KIRREL1: variants seen among roughly 807,000 people sequenced by gnomAD.
KIRREL1 encodes the protein kin of IRRE-like protein 1.
KIRREL1 carries 25 observed loss-of-function variants against 83.3 expected under a neutral mutation model. The ratio of observed to expected loss-of-function variants is 0.30; its 90% CI spans 0.22 to 0.42. KIRREL1 has a LOEUF of 0.42. Among genes scored for constraint, KIRREL1 ranks in the 10% least tolerant of loss-of-function variants. KIRREL1 has a pLI of 1.00. For synonymous variants in KIRREL1, 388 were observed against 410.4 expected (o/e 0.95, Z 0.66); for missense variants, 812 against 1,032.3 (o/e 0.79, Z 2.92).
chr1:158,017,100 A>G (rs1571539058), intron 1 of KIRREL1, among the ~76,000 whole-genome samples: 2 of 152,228 alleles, frequency 1.3e-5, no homozygotes, highest in Non-Finnish European at 2.9e-5. Flanking sequence ...GGATGTGTCA[A>G]GTCCCTGCGA....
intron 1 of KIRREL1, among the ~76,000 whole-genome samples, chr1:158,000,514 A>T (rs1401740423): frequency 6.6e-6 from 1 of 152,220 alleles, no homozygotes; most frequent in Non-Finnish European, 1.5e-5. Context: ...TCCAGCTCTT[A>T]TACCTTCCTA....
chr1:158,037,489 C>CAA (rs759200504), intron 1 of KIRREL1, among the ~76,000 whole-genome samples: 77 of 43,744 alleles, frequency 1.8e-3, no homozygotes, highest in African/African-American at 3.7e-3. Context: ...AAGACTCTGG[C>CAA]AAAAAAAAAA....
chr1:158,092,386 CGCCCA>C, intron 11 of KIRREL1, among the ~76,000 whole-genome samples: 1 of 118,916 alleles, frequency 8.4e-6, no homozygotes, highest in Non-Finnish European at 1.6e-5. Flanking sequence ...CTTGCTCTGT[CGCCCA>C]GGCTGGAGTG....
At chr1:158,085,717 G>T (rs954759882) in intron 4 of KIRREL1, among the ~76,000 whole-genome samples, 1 of 152,142 alleles carries the variant, frequency 6.6e-6, no homozygotes, top group African/African-American at 2.4e-5. Context: ...GTCTTACTTT[G>T]ATTAATAATA....
chr1:158,014,964 T>C (rs966472645), intron 1 of KIRREL1, among the ~76,000 whole-genome samples: 2 of 152,156 alleles, frequency 1.3e-5, no homozygotes, highest in African/African-American at 2.4e-5. Flanking sequence ...GAATGCTTCT[T>C]AGGATTTTTC....
Position 158,018,216 on chromosome 1 carries a change from G to A in KIRREL1, c.52+24488G>A, listed in dbSNP as rs142278719. 7.6e-4 allele frequency among the ~76,000 whole-genome samples: 116 copies of A among 152,306 alleles called. No individual in the cohort carries two copies. The Middle Eastern group carries it at 0.014, about 18-fold the overall frequency. The stretch of plus-strand genomic sequence containing the variant: ...TTTAATTTCACCCTGGGTCAGAATT[G>A]TCAGGAGTTAGGGTGACTGCAAAGA... On this transcript the variant is annotated intron_variant, in intron 1 of 14. Transcript: ENST00000359209.
rs930827756 is a variant in KIRREL1, at chr1:158,084,510, T to C, written c.441T>C (p.Asn147=). Residue 147 remains asparagine (N), a synonymous_variant, in exon 4 of 15, where the codon AAT becomes AAC. Coordinates refer to ENST00000359209, the MANE Select transcript of KIRREL1 (RefSeq NM_018240.7). ...TPHNLTCRAF[N]AKPAATIIWF... ...ACAACCTCACATGCCGGGCCTTCAA[T>C]GCGAAGCCTGCTGCCACCATCATCT... 6 of 1,551,652 alleles carry C rather than the reference T, an allele frequency of 3.9e-6. No individual in the cohort carries two copies. In the African/African-American group the frequency reaches 8.2e-5, roughly 21 times the overall value.
Position 158,094,899 on chromosome 1 carries a change from G to A in KIRREL1, c.2053G>A (p.Glu685Lys), listed in dbSNP as rs140491529. The A allele has an allele frequency of 1.4e-5, 23 of 1,614,018 alleles. No individual in the cohort carries two copies. The highest frequency in any genetic ancestry group is 6.7e-5 in the Admixed American group (4 of 60,006). The change falls in exon 15 of 15, where the codon GAG becomes AAG. Residue 685 changes from glutamate to lysine, a missense_variant. Transcript: ENST00000359209. The surrounding 1 kb of genome is among the most constrained non-coding windows in gnomAD (Gnocchi z 4.6). ...TGACACAACCAGCCAGCTGTCCTAC[G>A]AGAACTATGAGAAGTTCAACTCCCA... The part of the protein sequence containing the change: ...GTDTTSQLSY[E>K]NYEKFNSHPF...
In KIRREL1 at chr1:158,025,766, A is replaced by T. The variant is rs1341848491; in HGVS notation, c.52+32038A>T. 2.0e-5 allele frequency: 3 copies of T among 151,328 alleles called. No homozygotes were observed. The East Asian group carries it at 5.9e-4, about 30-fold the overall frequency. 9.4% of individuals were successfully genotyped at this position (151,328 alleles called of 1,614,324 possible). A position where few individuals can be genotyped will look rare whatever the true frequency, so the allele number is the denominator to read the frequency against. On this transcript the variant is annotated intron_variant, in intron 1 of 14. Coordinates refer to ENST00000359209, the MANE Select transcript of KIRREL1 (RefSeq NM_018240.7). ...CAGAAGAGGCAGAACCCGGGGAGGG[A>T]GCCACAGAAGAGGCACGCATGGCTG...
intron 11 of KIRREL1, among the ~76,000 whole-genome samples, chr1:158,092,345 C>CTTTTT (rs11430850): frequency 2.0e-4 from 22 of 110,922 alleles, no homozygotes; most frequent in Admixed American, 3.2e-4. Flanking sequence ...TCACTTCAGT[C>CTTTTT]TTTTTTTTTT....
At chr1:158,018,781 G>T (rs1178349495) in intron 1 of KIRREL1, among the ~76,000 whole-genome samples, 2 of 152,176 alleles carry the variant, frequency 1.3e-5, no homozygotes, top group Non-Finnish European at 2.9e-5. Flanking sequence ...GCCAGTTTGA[G>T]AACCATTTGT....
At chr1:158,058,677 C>T (rs1391620614) in intron 1 of KIRREL1, among the ~76,000 whole-genome samples, 1 of 152,150 alleles carries the variant, frequency 6.6e-6, no homozygotes, top group Non-Finnish European at 1.5e-5. Context: ...TAGTTGGAAG[C>T]CAGAGAGGGA....
intron 1 of KIRREL1, among the ~76,000 whole-genome samples, chr1:158,000,618 C>CT (rs1487875788): frequency 6.6e-6 from 1 of 152,166 alleles, no homozygotes; most frequent in East Asian, 1.9e-4. Flanking sequence ...AAGTATGACA[C>CT]TTTTGTTTTT....
intron 1 of KIRREL1, among the ~76,000 whole-genome samples, chr1:158,016,137 C>T (rs991759652): frequency 2.5e-4 from 38 of 152,006 alleles, no homozygotes; most frequent in South Asian, 2.1e-4. Flanking sequence ...AACCCCATCT[C>T]TACTAAAAAT....
chr1:158,048,648 C>T (rs749030343), intron 1 of KIRREL1, among the ~76,000 whole-genome samples: 15 of 152,256 alleles, frequency 9.9e-5, no homozygotes, highest in East Asian at 7.7e-4. Context: ...GAAAAGGGAA[C>T]GCATACTTTT....
At chr1:158,085,433 G>A (rs997706407) in intron 4 of KIRREL1, among the ~76,000 whole-genome samples, 12 of 152,180 alleles carry the variant, frequency 7.9e-5, no homozygotes, top group African/African-American at 2.7e-4. Context: ...TCTGGCCTTA[G>A]TTTCTCATTT....
At chr1:158,042,111 A>G (rs1299250959) in intron 1 of KIRREL1, among the ~76,000 whole-genome samples, 2 of 152,110 alleles carry the variant, frequency 1.3e-5, no homozygotes, top group African/African-American at 4.8e-5. Context: ...ATGTCACAGG[A>G]GGCTTGGAGG....
intron 1 of KIRREL1, among the ~76,000 whole-genome samples, chr1:158,024,849 T>G (rs1173493708): frequency 6.6e-6 from 1 of 151,466 alleles, no homozygotes; most frequent in Non-Finnish European, 1.5e-5. Context: ...AAGGGAGGGG[T>G]GCGGAAAAAC....
At chr1:158,084,618 AG>A (rs759422567) in intron 4 of KIRREL1, 39 bp downstream of exon 4, 1 of 1,542,618 alleles carries the variant, frequency 6.5e-7, no homozygotes, top group South Asian at 1.2e-5. Context: ...TCCTGGGCCT[AG>A]CCCAGCTCAC....
Sources: allele counts gnomAD v4.1 joint callset (sites outside exome capture counted in the v4.1 genomes callset), GRCh38; gene constraint gnomAD v4.1.1; non-coding constraint Gnocchi (gnomAD v3.1); transcripts MANE v1.5; gene names NCBI Gene and HGNC (gene_info 2026-07-23, HGNC 2026-07-21).